The following SLC7A6 variants were observed in gnomAD, a reference collection of about 807,000 sequenced individuals.
SLC7A6 encodes Y+L amino acid transporter 2.
A neutral mutation model predicts 46.6 loss-of-function variants in SLC7A6; 29 were observed. The observed-to-expected ratio is 0.62, with a 90% CI of 0.46 to 0.85. The LOEUF (loss-of-function observed/expected upper bound fraction) is 0.85. Ranked by LOEUF, SLC7A6 falls within the 40% of genes least tolerant of loss-of-function variation. The pLI is 0.00. For missense variants in SLC7A6, 527 were observed against 647.6 expected, an observed-to-expected ratio of 0.81 and a Z score of 2.02; for synonymous variants, 276 against 257.3, an observed-to-expected ratio of 1.07 and a Z score of -0.70.
At chr16:68,296,340 T>C in intron 8 of SLC7A6, 24 bp from the exon 9 acceptor site, 2 of 1,613,320 alleles carry the variant, frequency 1.2e-6, no homozygotes, top group Non-Finnish European at 1.7e-6. Context: ...GATGCTCACC[T>C]GTCTCCCCAC....
intron 3 of SLC7A6, among the ~76,000 whole-genome samples, chr16:68,280,634 A>T (rs537382722): frequency 6.6e-6 from 1 of 151,896 alleles, no homozygotes; most frequent in Admixed American, 6.6e-5. Context: ...GAGTATCCCT[A>T]TGTTGCCCAG....
chr16:68,275,324 G>A (rs545017138), intron 3 of SLC7A6, 75 bp downstream of exon 3: 83 of 1,533,330 alleles, frequency 5.4e-5, no homozygotes, highest in South Asian at 4.3e-4. Flanking sequence ...GGCCGGGCGC[G>A]GTGGCTCATG....
intron 10 of SLC7A6, among the ~76,000 whole-genome samples, 181 bp downstream of exon 10, chr16:68,296,991 T>G (rs547412683): frequency 1.3e-5 from 2 of 152,316 alleles, no homozygotes; most frequent in African/African-American, 4.8e-5. Context: ...GTGTCCTATT[T>G]TGGGGCTAAA....
At position 68,299,998 on chromosome 16, in the gene SLC7A6, TAA is replaced by T. The variant is rs1455292006; in HGVS notation, c.*2673_*2674del. 6.6e-6 allele frequency: 1 copy of T among 152,144 alleles called. No individual in the cohort carries two copies. The highest frequency in any genetic ancestry group is 1.5e-5 in the Non-Finnish European group (1 of 68,036). 9.4% of individuals were successfully genotyped at this position (152,144 alleles called of 1,614,324 possible). On this transcript the variant is annotated 3_prime_UTR_variant, in exon 11 of 11. Transcript: ENST00000219343. ...TGAAGGAGAGATACTTAGGAAATCC[TAA>T]AAGAGGCGGCAAGAAGGTACCTCCC...
chr16:68,270,883 C>CA (rs2042613962), intron 2 of SLC7A6, among the ~76,000 whole-genome samples: 1 of 129,368 alleles, frequency 7.7e-6, no homozygotes, highest in Admixed American at 8.2e-5. Flanking sequence ...TTTTTTGAAA[C>CA]AGTCTTGCTC....
chr16:68,268,095 T>A (rs1316453471), intron 2 of SLC7A6, among the ~76,000 whole-genome samples: 1 of 152,216 alleles, frequency 6.6e-6, no homozygotes, highest in Non-Finnish European at 1.5e-5. Context: ...TAAAGGTAAG[T>A]AAGTGTTTCT....
chr16:68,268,065 T>C (rs1246155076), intron 2 of SLC7A6, among the ~76,000 whole-genome samples: 2 of 152,228 alleles, frequency 1.3e-5, no homozygotes, highest in African/African-American at 2.4e-5. Context: ...TCCTTTGTAA[T>C]AGCCTTTATA....
At chr16:68,294,185 T>C (rs760774028) in intron 7 of SLC7A6, among the ~76,000 whole-genome samples, 44 of 152,116 alleles carry the variant, frequency 2.9e-4, no homozygotes, top group Admixed American at 1.4e-3. Context: ...TGAGCCACCA[T>C]GCCTGGACGC....
chr16:68,300,836 C>T lies in SLC7A6; in HGVS notation c.*3508C>T, dbSNP rs559227419. 14 of 986,614 alleles carry T rather than the reference C, an allele frequency of 1.4e-5. No homozygotes were observed. The highest frequency in any genetic ancestry group is 1.6e-5 in the Non-Finnish European group (13 of 830,842). 61.1% of individuals were successfully genotyped at this position (986,614 alleles called of 1,614,324 possible). ...ATTGCTACAAGGGACCCACTGGTACCCCTTTTAGATTCTATCAAAAGGAAC... is the reference window on the plus strand; with the variant it reads ...ATTGCTACAAGGGACCCACTGGTACTCCTTTTAGATTCTATCAAAAGGAAC... On this transcript the variant is annotated 3_prime_UTR_variant, in exon 11 of 11. Coordinates refer to ENST00000219343, the MANE Select transcript of SLC7A6 (RefSeq NM_003983.6).
rs2043209981 is a variant in SLC7A6, at chr16:68,298,261, C to CT, written c.*934dup. ...AATCTCTGGGTTTCTGTTACGAACTCTAAGAGGGCTGAAACTTCTGATATT... is the reference window on the plus strand; with the variant it reads ...AATCTCTGGGTTTCTGTTACGAACTCTTAAGAGGGCTGAAACTTCTGATATT... On this transcript the variant is annotated 3_prime_UTR_variant, in exon 11 of 11. Transcript: ENST00000219343. 2.0e-5 allele frequency: 3 copies of CT among 152,744 alleles called. No individual in the cohort carries two copies. Among genetic ancestry groups the CT allele is most frequent in the South Asian group, 2.1e-4 (1 of 4,830 alleles). 9.5% of individuals were successfully genotyped at this position (152,744 alleles called of 1,614,324 possible). A position where few individuals can be genotyped will look rare whatever the true frequency, so the allele number is the denominator to read the frequency against.
At position 68,290,259 on chromosome 16, in the gene SLC7A6, TTCC is replaced by T. The variant is rs1450012945; in HGVS notation, c.650-132_650-130del. 7.0e-6 allele frequency: 6 copies of T among 852,514 alleles called. No homozygotes were observed. The Admixed American group carries it at 8.5e-5, about 12-fold the overall frequency. 52.8% of individuals were successfully genotyped at this position (852,514 alleles called of 1,614,324 possible). A position where few individuals can be genotyped will look rare whatever the true frequency, so the allele number is the denominator to read the frequency against. On this transcript the variant is annotated intron_variant, in intron 4 of 10. Coordinates refer to ENST00000219343, the MANE Select transcript of SLC7A6 (RefSeq NM_003983.6). ...GTTTTTTCTTTCTTGTTCCTCCCCA[TTCC>T]TCCTTTTTTTCATCTTCCCTTCCTC...
In SLC7A6 at chr16:68,290,603, G is replaced by T. The variant is rs1030136016; in HGVS notation, c.794+63G>T. ...TGGAACTCCTGCTGATAGTGGGCGTGCCTGCCCTCATCCTTCTCCTCCTCC... is the reference window on the plus strand; with the variant it reads ...TGGAACTCCTGCTGATAGTGGGCGTTCCTGCCCTCATCCTTCTCCTCCTCC... On this transcript the variant is annotated intron_variant, in intron 5 of 10. Coordinates refer to ENST00000219343, the MANE Select transcript of SLC7A6 (RefSeq NM_003983.6). 1.4e-5 allele frequency: 22 copies of T among 1,589,098 alleles called. No individual in the cohort carries two copies. The Middle Eastern group carries it at 6.6e-4, about 48-fold the overall frequency.
Position 68,296,684 on chromosome 16 carries a change from C to G in SLC7A6, c.1327C>G (p.Pro443Ala), listed in dbSNP as rs1362154544. The change falls in exon 10 of 11, where the codon CCC (proline) becomes GCC (alanine). Residue 443 changes from proline (P) to alanine (A), a missense_variant. Pro to Ala is a conservative substitution (Grantham distance 27). Transcript: ENST00000219343. ...ATGCTCCGTGTTTCTGGTGATAGTGCCCCTCTTCACTGACACCATTAATTC... is the reference window on the plus strand; with the variant it reads ...ATGCTCCGTGTTTCTGGTGATAGTGGCCCTCTTCACTGACACCATTAATTC... ...CICSVFLVIVPLFTDTINSLI... is the reference protein window; with the variant it reads ...CICSVFLVIVALFTDTINSLI... 4 of 1,614,182 alleles carry G rather than the reference C, an allele frequency of 2.5e-6. No individual in the cohort carries two copies. The highest frequency in any genetic ancestry group is 1.1e-5 in the South Asian group (1 of 91,084).
At chr16:68,282,464 T>C (rs886271108) in intron 3 of SLC7A6, among the ~76,000 whole-genome samples, 2 of 152,094 alleles carry the variant, frequency 1.3e-5, no homozygotes, top group East Asian at 1.9e-4. Flanking sequence ...AAAAGACACA[T>C]ACATTACATA....
Position 68,287,649 on chromosome 16 carries a change from A to G in SLC7A6, c.524-97A>G. 2.6e-6 allele frequency: 4 copies of G among 1,548,598 alleles called. No individual in the cohort carries two copies. The East Asian group carries it at 6.8e-5, about 26-fold the overall frequency. ...ACTGGTCCATTGGCCCCTTTGCCTT[A>G]GGCAGGAAGGGCAGAAAGAGTGCTC... On this transcript the variant is annotated intron_variant, in intron 3 of 10. Coordinates refer to ENST00000219343, the MANE Select transcript of SLC7A6 (RefSeq NM_003983.6).
chr16:68,271,004 C>T (rs913457741), intron 2 of SLC7A6, among the ~76,000 whole-genome samples: 4 of 152,028 alleles, frequency 2.6e-5, no homozygotes, highest in Admixed American at 6.6e-5. Flanking sequence ...CATGTGCCAC[C>T]GTGCCTGGCT....
chr16:68,265,095 C>G (rs1032767559), intron 1 of SLC7A6, among the ~76,000 whole-genome samples: 2 of 152,176 alleles, frequency 1.3e-5, no homozygotes, highest in Admixed American at 1.3e-4. Context: ...ACCTCAGGAG[C>G]CAGGCTTCCT....
chr16:68,272,200 G>C (rs2042634552), intron 2 of SLC7A6, among the ~76,000 whole-genome samples: 1 of 152,100 alleles, frequency 6.6e-6, no homozygotes, highest in Non-Finnish European at 1.5e-5. Context: ...GATCAGTTGA[G>C]GCCAGGAGTT....
intron 3 of SLC7A6, among the ~76,000 whole-genome samples, chr16:68,282,870 G>A (rs1050223378): frequency 2.6e-5 from 4 of 152,094 alleles, no homozygotes; most frequent in Admixed American, 6.5e-5. Flanking sequence ...TGCCCGCCTC[G>A]GCCTCCCAAA....
Sources: gnomAD v4.1 joint callset for allele counts (sites outside exome capture counted in the v4.1 genomes callset) on GRCh38, gnomAD v4.1.1 for gene constraint, MANE v1.5 for transcripts, NCBI Gene and HGNC (gene_info 2026-07-23, HGNC 2026-07-21) for gene names.